Variants in MAGI2 observed in about 807,000 individuals in gnomAD.
MAGI2 encodes the protein membrane associated guanylate kinase, WW and PDZ domain containing 2.
A neutral mutation model predicts 133.3 loss-of-function variants in MAGI2; 35 were observed. That is an observed-to-expected ratio of 0.26 (90% CI 0.20 to 0.35). The LOEUF (loss-of-function observed/expected upper bound fraction) is 0.35, where lower values mean the gene tolerates loss of function less well. Ranked by LOEUF, MAGI2 falls within the 10% of genes least tolerant of loss-of-function variation. MAGI2 has a pLI of 1.00. For synonymous variants in MAGI2, 729 were observed against 710.6 expected, an observed-to-expected ratio of 1.03 and a Z score of -0.41; for missense variants, 1,636 against 1,863.4, an observed-to-expected ratio of 0.88 and a Z score of 2.25.
At chr7:78,319,693 C>T (rs1198837993) in intron 9 of MAGI2, among the ~76,000 whole-genome samples, 2 of 152,096 alleles carry the variant, frequency 1.3e-5, no homozygotes, top group African/African-American at 4.8e-5. Context: ...CTAAAATTGA[C>T]ACCCTAACAT....
chr7:79,246,534 T>A (rs1832831248), intron 1 of MAGI2, among the ~76,000 whole-genome samples: 1 of 152,122 alleles, frequency 6.6e-6, no homozygotes, highest in African/African-American at 2.4e-5. Context: ...CAAAGTCTCT[T>A]AACAGACTTG....
intron 1 of MAGI2, chr7:79,353,589 G>A (rs767199461): frequency 2.8e-5 from 12 of 423,330 alleles, no homozygotes; most frequent in Non-Finnish European, 5.2e-5. Flanking sequence ...CTGGAGCTCT[G>A]GTGATCTTCC....
intron 1 of MAGI2, among the ~76,000 whole-genome samples, chr7:79,040,328 CCT>C (rs1371585260): frequency 1.3e-5 from 2 of 151,982 alleles, no homozygotes; most frequent in African/African-American, 4.8e-5. Context: ...GTCAATTAAA[CCT>C]CTTTCTTTCA....
chr7:78,086,833 C>T (rs1029046917), intron 20 of MAGI2, among the ~76,000 whole-genome samples: 33 of 152,030 alleles, frequency 2.2e-4, no homozygotes, highest in Admixed American at 7.2e-4. Context: ...CGGGGTTTCG[C>T]CATGTTGCCC....
At chr7:79,359,201 T>C (rs920584418) in intron 1 of MAGI2, among the ~76,000 whole-genome samples, 2 of 151,782 alleles carry the variant, frequency 1.3e-5, no homozygotes, top group South Asian at 4.2e-4. Context: ...ATAACAGAAA[T>C]ATAAAAACTC....
At chr7:78,345,014 A>AG (rs1790755596) in intron 8 of MAGI2, among the ~76,000 whole-genome samples, 4 of 152,190 alleles carry the variant, frequency 2.6e-5, no homozygotes, top group Non-Finnish European at 1.5e-5. Context: ...ATGGTAACTC[A>AG]GTTAAGTATT....
chr7:79,144,271 T>TTTGTGTCTCCAAATCTCACGTGGAA (rs1822408160), intron 1 of MAGI2, among the ~76,000 whole-genome samples: 1 of 152,144 alleles, frequency 6.6e-6, no homozygotes, highest in South Asian at 2.1e-4. Flanking sequence ...ATGGTTTGGA[T>TTTGTGTCTCCAAATCTCACGTGGAA]TTGTGTCTCC....
chr7:79,235,078 T>TG (rs1477512528), intron 1 of MAGI2, among the ~76,000 whole-genome samples: 5 of 151,690 alleles, frequency 3.3e-5, no homozygotes, highest in Non-Finnish European at 7.4e-5. Context: ...GTGCCCCTGC[T>TG]GGGGGGTGCC....
At chr7:78,713,185 G>T (rs1213463138) in intron 2 of MAGI2, among the ~76,000 whole-genome samples, 1 of 152,110 alleles carries the variant, frequency 6.6e-6, no homozygotes, top group East Asian at 1.9e-4. Flanking sequence ...TTGGAACCTT[G>T]AATTTAGTCT....
intron 6 of MAGI2, among the ~76,000 whole-genome samples, chr7:78,425,500 T>C (rs565755519): frequency 1.3e-5 from 2 of 152,160 alleles, no homozygotes; most frequent in East Asian, 1.9e-4. Flanking sequence ...CATGGTAGAG[T>C]TGGAAATGGT....
chr7:78,952,548 T>C (rs1330908493), intron 2 of MAGI2, among the ~76,000 whole-genome samples: 2 of 152,194 alleles, frequency 1.3e-5, no homozygotes, highest in Non-Finnish European at 2.9e-5. Context: ...AAACAAATGT[T>C]CCTATTTTCT....
chr7:78,483,321 C>G (rs561761632), intron 6 of MAGI2, among the ~76,000 whole-genome samples: 232 of 151,876 alleles, frequency 1.5e-3, no homozygotes, highest in African/African-American at 5.3e-3. Context: ...TGATAATATA[C>G]AATTCATTGC....
At chr7:79,032,111 C>G (rs940146295) in intron 1 of MAGI2, among the ~76,000 whole-genome samples, 1 of 152,100 alleles carries the variant, frequency 6.6e-6, no homozygotes, top group Non-Finnish European at 1.5e-5. Context: ...AGTGAATCAT[C>G]ATGAGGAAAA....
At chr7:78,386,673 T>G (rs748152262) in intron 6 of MAGI2, among the ~76,000 whole-genome samples, 21 of 152,164 alleles carry the variant, frequency 1.4e-4, no homozygotes, top group Admixed American at 2.6e-4. Context: ...GATTTGTACC[T>G]CTGGTAACAA....
At chr7:79,451,679 G>A (rs951157905) in intron 1 of MAGI2, among the ~76,000 whole-genome samples, 1 of 152,116 alleles carries the variant, frequency 6.6e-6, no homozygotes, top group African/African-American at 2.4e-5. Flanking sequence ...TAATTTAACA[G>A]TGCGGTACAT....
chr7:78,557,975 CTT>C (rs5885075), intron 3 of MAGI2, among the ~76,000 whole-genome samples: 43,012 of 150,576 alleles, frequency 0.29, 6,732 homozygotes, highest in East Asian at 0.64. Context: ...TATTGGAACT[CTT>C]TTTTTTTTTT....
In MAGI2 at chr7:79,081,280, C is replaced by G. The variant is rs186867005; in HGVS notation, c.302-74074G>C. ...AGTTCAAAGGTCATTTCCTAAGAAC[C>G]CATGGCACGCAAGAATTCAACCAGG... On this transcript the variant is annotated intron_variant, in intron 1 of 21. Transcript: ENST00000354212. 1.4e-3 allele frequency among the ~76,000 whole-genome samples: 211 copies of G among 152,240 alleles called. 2 individuals carry two copies. The highest frequency in any genetic ancestry group is 2.4e-4 in the Non-Finnish European group (16 of 68,006).
At chr7:79,402,557 C>G (rs537454020) in intron 1 of MAGI2, among the ~76,000 whole-genome samples, 2 of 152,094 alleles carry the variant, frequency 1.3e-5, no homozygotes, top group Non-Finnish European at 2.9e-5. Context: ...CAGCCATTGG[C>G]AAAATTAGGA....
chr7:78,584,676 T>C (rs543182005), intron 3 of MAGI2, among the ~76,000 whole-genome samples: 1 of 152,156 alleles, frequency 6.6e-6, no homozygotes, highest in East Asian at 1.9e-4. Flanking sequence ...CTGAGCTGTG[T>C]GATTGAAGAA....
Sources: gnomAD v4.1 joint callset for allele counts (sites outside exome capture counted in the v4.1 genomes callset) on GRCh38, gnomAD v4.1.1 for gene constraint, MANE v1.5 for transcripts, NCBI Gene and HGNC (gene_info 2026-07-23, HGNC 2026-07-21) for gene names.